HTRA1: variants seen among roughly 807,000 people sequenced by gnomAD.
HTRA1 encodes HtrA serine peptidase 1.
In HTRA1, 26 loss-of-function variants were observed where a neutral mutation model predicts 49.7. The ratio of observed to expected loss-of-function variants is 0.52; its 90% CI spans 0.38 to 0.73. HTRA1 has a LOEUF of 0.73. Ranked by LOEUF, HTRA1 falls within the 30% of genes least tolerant of loss-of-function variation. The probability of loss-of-function intolerance (pLI) is 0.00; values close to 1 mark genes in which losing one functional copy is unlikely to be tolerated. For synonymous variants in HTRA1, 291 were observed against 286.9 expected (o/e 1.01, Z -0.14); for missense variants, 561 against 667.2 (o/e 0.84, Z 1.75).
intron 1 of HTRA1, among the ~76,000 whole-genome samples, chr10:122,470,379 G>C (rs2097485610): frequency 6.6e-6 from 1 of 152,186 alleles, no homozygotes; most frequent in African/African-American, 2.4e-5. Context: ...AAGGGGTATG[G>C]AGGAGCTTCG....
intron 3 of HTRA1, among the ~76,000 whole-genome samples, chr10:122,497,780 A>T (rs1486907599): frequency 6.6e-6 from 1 of 152,126 alleles, no homozygotes; most frequent in Non-Finnish European, 1.5e-5. Flanking sequence ...TTACTTATTC[A>T]TTGATTTTGT....
Position 122,512,021 on chromosome 10 carries a change from A to G in HTRA1, c.1230A>G (p.Ser410=). The part of the protein sequence containing the change: ...DRHRDFPDVI[S]GAYIIEVIPD... ...ACCGGGACTTCCCAGACGTGATCTC[A>G]GGAGCGTATATAATTGAAGTAATTC... is the stretch of plus-strand genomic sequence containing the variant. Residue 410 remains serine (S), a synonymous_variant, in exon 8 of 9, where the codon TCA becomes TCG. Transcript: ENST00000368984. The G allele has an allele frequency of 6.2e-7, 1 of 1,612,642 alleles. No homozygotes were observed.
chr10:122,470,407 A>C (rs1275163178), intron 1 of HTRA1, among the ~76,000 whole-genome samples: 1 of 152,210 alleles, frequency 6.6e-6, no homozygotes, highest in African/African-American at 2.4e-5. Context: ...CTAAAGCTTC[A>C]GTGCTAGGAA....
chr10:122,487,610 A>G lies in HTRA1; in HGVS notation c.473-1292A>G, dbSNP rs1027056286. Among the ~76,000 whole-genome samples, 1 of 152,194 alleles carries G rather than the reference A, an allele frequency of 6.6e-6. No individual in the cohort carries two copies. The highest frequency in any genetic ancestry group is 1.5e-5 in the Non-Finnish European group (1 of 68,036). On this transcript the variant is annotated intron_variant, in intron 1 of 8. Transcript: ENST00000368984. The surrounding 1 kb of genome is among the most constrained non-coding windows in gnomAD (Gnocchi z 4.8). ...CTCACTGTAATATAAACGGTCATGC[A>G]TCACTGAGCAACAGGGATACGTTCT...
chr10:122,477,174 A>G (rs542566487), intron 1 of HTRA1, among the ~76,000 whole-genome samples: 79 of 152,024 alleles, frequency 5.2e-4, no homozygotes, highest in South Asian at 6.2e-4. Context: ...TCACTGTGTT[A>G]GCCAGGACGG....
rs1174129491 is a variant in HTRA1 at position 122,508,676 on chromosome 10, T to G, written c.1026T>G (p.Ile342Met). 2 of 1,612,344 alleles carry G rather than the reference T, an allele frequency of 1.2e-6. No individual in the cohort carries two copies. The highest frequency in any genetic ancestry group is 1.7e-6 in the Non-Finnish European group (2 of 1,178,450). Reference sequence around the variant, plus strand: ...TTCAGGACGGTGAAGTGATTGGAATTAACACTTTGAAAGTGACAGCTGGAA... The same window carrying G: ...TTCAGGACGGTGAAGTGATTGGAATGAACACTTTGAAAGTGACAGCTGGAA... ...LVNLDGEVIGINTLKVTAGIS... is the reference protein window; with the variant it reads ...LVNLDGEVIGMNTLKVTAGIS... Residue 342 changes from isoleucine (I) to methionine (M), a missense_variant, in exon 6 of 9, where the codon ATT (isoleucine) becomes ATG (methionine). Physicochemically the swap from Ile to Met is conservative, Grantham distance 10 (BLOSUM62 1). Transcript: ENST00000368984.
At chr10:122,469,924 T>C (rs1293103787) in intron 1 of HTRA1, among the ~76,000 whole-genome samples, 1 of 152,236 alleles carries the variant, frequency 6.6e-6, no homozygotes, top group African/African-American at 2.4e-5. Context: ...AATTCTATTG[T>C]GGGCTGAGAA....
chr10:122,468,107 A>G (rs2097484511), intron 1 of HTRA1, among the ~76,000 whole-genome samples: 2 of 152,148 alleles, frequency 1.3e-5, no homozygotes, highest in Non-Finnish European at 2.9e-5. Flanking sequence ...AGGTATGGGG[A>G]CTCAGAGGTA....
At chr10:122,497,056 A>C (rs2097499019) in intron 3 of HTRA1, among the ~76,000 whole-genome samples, 1 of 152,176 alleles carries the variant, frequency 6.6e-6, no homozygotes, top group Admixed American at 6.5e-5. Context: ...TGGTTTCCTA[A>C]AGCCATCCAG....
At chr10:122,498,640 C>T (rs2097499706) in intron 3 of HTRA1, among the ~76,000 whole-genome samples, 1 of 152,132 alleles carries the variant, frequency 6.6e-6, no homozygotes, top group Admixed American at 6.5e-5. Flanking sequence ...TCACAGTCCT[C>T]TGTGAAAGAT....
Position 122,514,460 on chromosome 10 carries a change from C to A in HTRA1, c.*101C>A. On this transcript the variant is annotated 3_prime_UTR_variant, in exon 9 of 9. Coordinates refer to ENST00000368984, the MANE Select transcript of HTRA1 (RefSeq NM_002775.5). ...GGAATAGGACACTCAAGACTTTTGACTGCCATTTTGTTTGTTCAGTGGAGA... is the reference window on the plus strand; with the variant it reads ...GGAATAGGACACTCAAGACTTTTGAATGCCATTTTGTTTGTTCAGTGGAGA... The A allele has an allele frequency of 8.3e-7, 1 of 1,206,030 alleles. No individual in the cohort carries two copies. Among genetic ancestry groups the A allele is most frequent in the Non-Finnish European group, 1.2e-6 (1 of 816,088 alleles). The allele number at this position is 1,206,030 out of a possible 1,614,324, so 74.7% of individuals were successfully genotyped here.
intron 1 of HTRA1, among the ~76,000 whole-genome samples, chr10:122,476,698 G>A (rs1245061927): frequency 1.3e-5 from 2 of 151,212 alleles, no homozygotes; most frequent in African/African-American, 4.8e-5. Context: ...CATCAGAAAT[G>A]CAGGTGGGGG....
intron 1 of HTRA1, among the ~76,000 whole-genome samples, chr10:122,480,366 G>T (rs1192165586): frequency 6.6e-6 from 1 of 152,212 alleles, no homozygotes; most frequent in Non-Finnish European, 1.5e-5. Context: ...GCTCTGCAGG[G>T]AGAAGGGACA....
chr10:122,514,416 A>G lies in HTRA1; in HGVS notation c.*57A>G. 1 of 1,557,668 alleles carries G rather than the reference A, an allele frequency of 6.4e-7. No homozygotes were observed. The highest frequency in any genetic ancestry group is 1.1e-5 in the South Asian group (1 of 89,688). On this transcript the variant is annotated 3_prime_UTR_variant, in exon 9 of 9. Transcript: ENST00000368984. ...TCAAAGACTCTCCCGTGGATGACGG[A>G]TGAGGACTCTGGGCTGCTGGAATAG...
At chr10:122,493,972 C>T (rs1480130002) in intron 3 of HTRA1, among the ~76,000 whole-genome samples, 1 of 152,106 alleles carries the variant, frequency 6.6e-6, no homozygotes, top group Non-Finnish European at 1.5e-5. Flanking sequence ...TCCAGCTCCT[C>T]ATGCAGCCAA....
intron 8 of HTRA1, among the ~76,000 whole-genome samples, chr10:122,512,304 A>G (rs2097506018): frequency 6.6e-6 from 1 of 152,282 alleles, no homozygotes; most frequent in East Asian, 1.9e-4. Flanking sequence ...AGGACCCTCC[A>G]GATGGACAGA....
intron 3 of HTRA1, among the ~76,000 whole-genome samples, chr10:122,503,537 A>G (rs1021108685): frequency 1.3e-5 from 2 of 152,132 alleles, no homozygotes; most frequent in African/African-American, 4.8e-5. Flanking sequence ...TTCCCTTGCA[A>G]AGATTTCTGC....
chr10:122,491,134 CT>C (rs1036590272), intron 3 of HTRA1, among the ~76,000 whole-genome samples: 12 of 152,324 alleles, frequency 7.9e-5, no homozygotes, highest in African/African-American at 2.9e-4. Flanking sequence ...TGCCTTCATT[CT>C]TTTTCACCTA....
At chr10:122,513,095 G>T (rs529074490) in intron 8 of HTRA1, among the ~76,000 whole-genome samples, 1 of 152,272 alleles carries the variant, frequency 6.6e-6, no homozygotes, top group East Asian at 1.9e-4. Context: ...CTTCAACAGA[G>T]ACCATATGTA....
Sources: gnomAD v4.1 joint callset for allele counts (sites outside exome capture counted in the v4.1 genomes callset) on GRCh38, gnomAD v4.1.1 for gene constraint, Gnocchi (gnomAD v3.1) non-coding constraint, MANE v1.5 for transcripts, NCBI Gene and HGNC (gene_info 2026-07-23, HGNC 2026-07-21) for gene names.